The following APPL2 variants were observed in gnomAD, a reference collection of about 807,000 sequenced individuals.
APPL2 encodes the protein adaptor protein, phosphotyrosine interacting with PH domain and leucine zipper 2, also known as DCC-interacting protein 13-beta.
In APPL2, 84 loss-of-function variants were observed where a neutral mutation model predicts 92.7. The observed-to-expected ratio is 0.91, with a 90% CI of 0.76 to 1.09. APPL2 has a LOEUF of 1.09. APPL2 is among the 50% of genes least tolerant of loss of function. APPL2 has a pLI of 0.00. For missense variants in APPL2, 736 were observed against 824.5 expected (o/e 0.89, Z 1.31); for synonymous variants, 291 against 291.0 (o/e 1.00, Z 0.00).
chr12:105,214,095 A>C, intron 4 of APPL2, among the ~76,000 whole-genome samples: 1 of 152,296 alleles, frequency 6.6e-6, no homozygotes, highest in South Asian at 2.1e-4. Context: ...CTGAGGCAGG[A>C]GAGTTGCTTA....
At chr12:105,184,130 A>G (rs919839188) in intron 17 of APPL2, among the ~76,000 whole-genome samples, 2 of 152,142 alleles carry the variant, frequency 1.3e-5, no homozygotes, top group African/African-American at 4.8e-5. Flanking sequence ...GTTCTTCTCT[A>G]AACTGGTTAT....
At chr12:105,218,381 C>A (rs1889854686) in intron 2 of APPL2, among the ~76,000 whole-genome samples, 1 of 152,180 alleles carries the variant, frequency 6.6e-6, no homozygotes, top group South Asian at 2.1e-4. Context: ...CAGTCCCTGT[C>A]CTCATGGGGC....
At chr12:105,234,475 C>A (rs1278737468) in intron 1 of APPL2, among the ~76,000 whole-genome samples, 1 of 152,196 alleles carries the variant, frequency 6.6e-6, no homozygotes, top group African/African-American at 2.4e-5. Context: ...AAGCCACTCA[C>A]AAACAGTGTA....
Position 105,214,982 on chromosome 12 carries a change from G to A in APPL2, c.285+2087C>T, listed in dbSNP as rs574838795. On this transcript the variant is annotated intron_variant, in intron 4 of 20. Coordinates refer to ENST00000258530, the MANE Select transcript of APPL2 (RefSeq NM_018171.5). ...CCAGAGGGGTGACGTCCCCAGAGAG[G>A]GCACGGAAGTTCCACGCCGCCTCCC... 2.0e-5 allele frequency among the ~76,000 whole-genome samples: 3 copies of A among 152,266 alleles called. No individual in the cohort carries two copies. In the South Asian group the frequency reaches 6.2e-4, roughly 32 times the overall value.
chr12:105,202,114 T>G lies in APPL2; in HGVS notation c.704+1589A>C, dbSNP rs56357307. On this transcript the variant is annotated intron_variant, in intron 9 of 20. Coordinates refer to ENST00000258530, the MANE Select transcript of APPL2 (RefSeq NM_018171.5). The stretch of plus-strand genomic sequence containing the variant: ...GGAAAAATAGCATTCAAAACAGTAC[T>G]TTAGCTATCTGAATCAAGTGCTGCA... Among the ~76,000 whole-genome samples, 1,209 of 152,328 alleles carry G rather than the reference T, an allele frequency of 7.9e-3. 21 individuals are homozygous for G. Among genetic ancestry groups the G allele is most frequent in the African/African-American group, 0.027 (1,118 of 41,574 alleles).
chr12:105,211,757 G>C (rs984792383), intron 4 of APPL2, among the ~76,000 whole-genome samples: 1 of 152,168 alleles, frequency 6.6e-6, no homozygotes, highest in Non-Finnish European at 1.5e-5. Context: ...CTGAAAGATG[G>C]GCCTGCTGGA....
intron 9 of APPL2, 82 bp downstream of exon 9, chr12:105,203,621 A>T (rs1888420093): frequency 2.3e-6 from 3 of 1,329,268 alleles, no homozygotes; most frequent in Non-Finnish European, 3.2e-6. Context: ...CACAGTTAGA[A>T]CCCTCCCCGT....
rs147157093 is a variant in APPL2, at chr12:105,181,080, A to G, written c.1635-3818T>C. Among the ~76,000 whole-genome samples, 908 of 152,304 alleles carry G rather than the reference A, an allele frequency of 6.0e-3. 18 individuals carry two copies. The highest frequency in any genetic ancestry group is 0.021 in the African/African-American group (858 of 41,546). Reference sequence around the variant, plus strand: ...TGCTTCCAGTTTTTGCCCATTCAGTATGATACTGGCTGTGAGTTTGTCATA... The same window carrying G: ...TGCTTCCAGTTTTTGCCCATTCAGTGTGATACTGGCTGTGAGTTTGTCATA... On this transcript the variant is annotated intron_variant, in intron 17 of 20. Transcript: ENST00000258530.
At chr12:105,230,584 C>G (rs892647532) in intron 1 of APPL2, among the ~76,000 whole-genome samples, 1 of 152,168 alleles carries the variant, frequency 6.6e-6, no homozygotes, top group Non-Finnish European at 1.5e-5. Flanking sequence ...AAATAAATTG[C>G]AATTCCTCCT....
Position 105,190,125 on chromosome 12 carries a change from A to G in APPL2, c.1272T>C (p.Asn424=). 2 of 1,613,910 alleles carry G rather than the reference A, an allele frequency of 1.2e-6. No homozygotes were observed. Among genetic ancestry groups the G allele is most frequent in the African/African-American group, 1.3e-5 (1 of 74,994 alleles). ...SQNLKNSEME[N]ENDKIVPKAT... is the part of the protein sequence containing the mutation. ...CTTTGGGAACAATCTTGTCATTTTC[A>G]TTTTCCATCTCTGAATTTTTCAGGT... Residue 424 remains asparagine (N), a synonymous_variant, in exon 15 of 21, where the codon AAT becomes AAC. Coordinates refer to ENST00000258530, the MANE Select transcript of APPL2 (RefSeq NM_018171.5).
chr12:105,199,136 A>C (rs1393896463), intron 10 of APPL2, among the ~76,000 whole-genome samples: 1 of 152,156 alleles, frequency 6.6e-6, no homozygotes, highest in African/African-American at 2.4e-5. Flanking sequence ...CAGTGACCAG[A>C]GTCCACAGCA....
chr12:105,205,366 C>T (rs1888611694), intron 8 of APPL2, among the ~76,000 whole-genome samples: 1 of 152,198 alleles, frequency 6.6e-6, no homozygotes, highest in Non-Finnish European at 1.5e-5. Context: ...CAATGATGCT[C>T]CTGCCACTGA....
In APPL2 at chr12:105,228,872, TA is replaced by T. The variant is rs940784444; in HGVS notation, c.153+252del. ...CAAATGTTTCCCACTGGGTTGAATT[TA>T]AAAAAAAAAATTAGGAGCAGTTATG... On this transcript the variant is annotated intron_variant, in intron 2 of 20. Transcript: ENST00000258530. Among the ~76,000 whole-genome samples, 776 of 149,102 alleles carry T rather than the reference TA, an allele frequency of 5.2e-3. 7 individuals carry two copies. The highest frequency in any genetic ancestry group is 3.5e-3 in the Non-Finnish European group (232 of 66,916).
At chr12:105,176,218 A>G (rs1592747857) in intron 19 of APPL2, 136 bp from the exon 20 acceptor site, 2 of 726,164 alleles carry the variant, frequency 2.8e-6, no homozygotes, top group Non-Finnish European at 4.5e-6. Context: ...GCTGCAGGAG[A>G]CTCATCACAT....
intron 8 of APPL2, among the ~76,000 whole-genome samples, chr12:105,205,962 A>G (rs1592801622): frequency 6.6e-6 from 1 of 152,336 alleles, no homozygotes; most frequent in African/African-American, 2.4e-5. Flanking sequence ...CGCTCTATTT[A>G]AGTATCACTT....
At chr12:105,234,890 C>T (rs577838702) in intron 1 of APPL2, among the ~76,000 whole-genome samples, 139 of 151,506 alleles carry the variant, frequency 9.2e-4, no homozygotes, top group Non-Finnish European at 1.0e-3. Context: ...CAGTTCCTTA[C>T]TTATCTACAC....
At chr12:105,192,616 C>T (rs995466368) in intron 14 of APPL2, among the ~76,000 whole-genome samples, 4 of 152,296 alleles carry the variant, frequency 2.6e-5, no homozygotes, top group East Asian at 3.9e-4. Flanking sequence ...AGAGTGGCTG[C>T]GTCTTGTCTT....
rs77857506 is a variant in APPL2, at chr12:105,174,105, C to T, written c.*209G>A. 608 of 516,190 alleles carry T rather than the reference C, an allele frequency of 1.2e-3. 3 individuals carry two copies. Among genetic ancestry groups the T allele is most frequent in the African/African-American group, 0.011 (543 of 50,528 alleles). The allele number at this position is 516,190 out of a possible 1,614,324, so 32.0% of individuals were successfully genotyped here. The stretch of plus-strand genomic sequence containing the variant: ...AAGAAAAAAGACTTACCACAAAGCA[C>T]CTAAAATAACATTGTAGATGGGTGG... On this transcript the variant is annotated 3_prime_UTR_variant, in exon 21 of 21. Coordinates refer to ENST00000258530, the MANE Select transcript of APPL2 (RefSeq NM_018171.5).
At position 105,195,314 on chromosome 12, in the gene APPL2, T is replaced by G; in HGVS notation, c.1188A>C (p.Gln396His). 6.2e-7 allele frequency: 1 copy of G among 1,614,232 alleles called. No individual in the cohort carries two copies. Among genetic ancestry groups the G allele is most frequent in the Non-Finnish European group, 8.5e-7 (1 of 1,180,046 alleles). Residue 396 changes from glutamine to histidine, a missense_variant, in exon 14 of 21, where the codon CAA becomes CAC. Transcript: ENST00000258530. Reference sequence around the variant, plus strand: ...CAAAACTTGTAATGGGAGTCACTGCTTGCAGAGCGGTCTGATTCAACTTGA... The same window carrying G: ...CAAAACTTGTAATGGGAGTCACTGCGTGCAGAGCGGTCTGATTCAACTTGA... ...VAIKLNQTAL[Q>H]AVTPITSFGK...
Sources: gnomAD v4.1 joint callset for allele counts (sites outside exome capture counted in the v4.1 genomes callset) on GRCh38, gnomAD v4.1.1 for gene constraint, MANE v1.5 for transcripts, NCBI Gene and HGNC (gene_info 2026-07-23, HGNC 2026-07-21) for gene names.